TCF4: variants seen among roughly 807,000 people sequenced by gnomAD.
TCF4 encodes transcription factor 4, also known as SL3-3 enhancer factor 2.
A neutral mutation model predicts 82.1 loss-of-function variants in TCF4; 3 were observed. That is an observed-to-expected ratio of 0.04 (90% confidence interval 0.02 to 0.09). TCF4 has a LOEUF of 0.09. TCF4 is among the 10% of genes least tolerant of loss of function. TCF4 has a pLI of 1.00. For synonymous variants in TCF4, 276 were observed against 309.6 expected (o/e 0.89, Z 1.14); for missense variants, 518 against 852.7 (o/e 0.61, Z 4.89).
At chr18:55,373,016 A>T (rs1436454554) in intron 6 of TCF4, among the ~76,000 whole-genome samples, 1 of 152,136 alleles carries the variant, frequency 6.6e-6, no homozygotes, top group Non-Finnish European at 1.5e-5. Context: ...AAAAATATAA[A>T]ACAAAGGAAA....
At chr18:55,267,734 A>G (rs1487146592) in intron 11 of TCF4, 1 of 152,134 alleles carries the variant, frequency 6.6e-6, no homozygotes, top group Non-Finnish European at 1.5e-5. Context: ...TCATTCCGCT[A>G]GTGGATTTTG....
intron 8 of TCF4, among the ~76,000 whole-genome samples, chr18:55,295,606 G>C (rs1346344627): frequency 2.0e-5 from 3 of 152,024 alleles, no homozygotes; most frequent in Non-Finnish European, 4.4e-5. Context: ...TACTTCTCAG[G>C]CATACCCATT....
rs186335601 is a variant in TCF4, at chr18:55,489,371, G to C, written c.146-25234C>G. Among the ~76,000 whole-genome samples the C allele has an allele frequency of 1.3e-3, 194 of 152,214 alleles. 1 individual carries two copies. The highest frequency in any genetic ancestry group is 4.5e-3 in the African/African-American group (185 of 41,512). On this transcript the variant is annotated intron_variant, in intron 3 of 19. Coordinates refer to ENST00000354452, the MANE Select transcript of TCF4 (RefSeq NM_001083962.2). ...GGAAGTGAGCTGTAATCTCTTTCAG[G>C]CTCTTTGGGAGGCACGTTGCCTACA...
chr18:55,246,985 C>T (rs921948616), intron 15 of TCF4, among the ~76,000 whole-genome samples: 1 of 152,202 alleles, frequency 6.6e-6, no homozygotes, highest in South Asian at 2.1e-4. Flanking sequence ...AATGGCCTCT[C>T]AAACTCAGTT....
At chr18:55,341,007 G>C (rs2079829035) in intron 8 of TCF4, among the ~76,000 whole-genome samples, 1 of 152,172 alleles carries the variant, frequency 6.6e-6, no homozygotes, top group Non-Finnish European at 1.5e-5. Context: ...ATACTGATTT[G>C]CTTGGGCAAA....
chr18:55,545,136 A>G lies in TCF4; in HGVS notation c.145+40144T>C, dbSNP rs539335831. On this transcript the variant is annotated intron_variant, in intron 3 of 19. Transcript: ENST00000354452. Reference sequence around the variant, plus strand: ...AGTGAACCTAACCTATGTATGCATCAGTTGCCTCATCTGCAAAACAGGGAT... The same window carrying G: ...AGTGAACCTAACCTATGTATGCATCGGTTGCCTCATCTGCAAAACAGGGAT... Among the ~76,000 whole-genome samples, 9 of 152,366 alleles carry G rather than the reference A, an allele frequency of 5.9e-5. No homozygotes were observed. The South Asian group carries it at 1.9e-3, about 32-fold the overall frequency.
At position 55,350,832 on chromosome 18, in the gene TCF4, G is replaced by T. The variant is rs376405812; in HGVS notation, c.499+42C>A. On this transcript the variant is annotated intron_variant, in intron 7 of 19. Transcript: ENST00000354452. ...AAGAAAGAAAGAAAAAAAGAAAAAG[G>T]CATAATCATCCCTCAGGCATTCAAA... 113 of 1,611,928 alleles carry T rather than the reference G, an allele frequency of 7.0e-5. No individual in the cohort carries two copies. The African/African-American group carries it at 1.4e-3, about 20-fold the overall frequency.
At chr18:55,519,743 T>C (rs537729830) in intron 3 of TCF4, among the ~76,000 whole-genome samples, 5 of 152,306 alleles carry the variant, frequency 3.3e-5, no homozygotes, top group Admixed American at 2.0e-4. Flanking sequence ...AGCATATGTG[T>C]AACTTCATCT....
chr18:55,267,078 T>C (rs1455337146), intron 11 of TCF4: 1 of 152,164 alleles, frequency 6.6e-6, no homozygotes, highest in Non-Finnish European at 1.5e-5. Flanking sequence ...CTTGCAACTT[T>C]TTACCAGGAA....
At chr18:55,483,560 C>G (rs985060481) in intron 3 of TCF4, among the ~76,000 whole-genome samples, 3 of 152,164 alleles carry the variant, frequency 2.0e-5, no homozygotes, top group Admixed American at 6.5e-5. Context: ...TTCATGTATG[C>G]CTTATCCCCT....
intron 12 of TCF4, chr18:55,261,069 C>CTTTTTTTTTTTT (rs78112276): frequency 2.2e-5 from 2 of 91,896 alleles, no homozygotes; most frequent in Admixed American, 1.1e-4. Context: ...CAGTTATTGT[C>CTTTTTTTTTTTT]TTTTTTTTTT....
At chr18:55,586,362 C>A in intron 2 of TCF4, 1 of 593,332 alleles carries the variant, frequency 1.7e-6, no homozygotes, top group Non-Finnish European at 3.0e-6. Flanking sequence ...CCTGACATGT[C>A]TGGGACTTGG....
intron 1 of TCF4, chr18:55,631,409 G>A (rs886198073): frequency 6.5e-7 from 1 of 1,543,920 alleles, no homozygotes; most frequent in Admixed American, 2.0e-5. Context: ...GAGAAAAGAT[G>A]GTGGACATGT....
intron 3 of TCF4, among the ~76,000 whole-genome samples, chr18:55,543,854 T>C (rs982533357): frequency 3.9e-5 from 6 of 152,294 alleles, no homozygotes; most frequent in African/African-American, 1.4e-4. Flanking sequence ...GAAAAACAGA[T>C]ATGTATGTTG....
At chr18:55,466,343 A>T (rs776867923) in intron 3 of TCF4, among the ~76,000 whole-genome samples, 29 of 152,132 alleles carry the variant, frequency 1.9e-4, no homozygotes, top group Non-Finnish European at 2.8e-4. Flanking sequence ...AAAAATTTTT[A>T]AAATTAGCCA....
At chr18:55,618,679 T>C (rs2097714592) in intron 2 of TCF4, among the ~76,000 whole-genome samples, 2 of 152,110 alleles carry the variant, frequency 1.3e-5, no homozygotes, top group Non-Finnish European at 2.9e-5. Flanking sequence ...CCTCCTAGGC[T>C]GAAGTGATCT....
chr18:55,249,943 G>C (rs1443499648), intron 15 of TCF4, among the ~76,000 whole-genome samples: 1 of 152,184 alleles, frequency 6.6e-6, no homozygotes, highest in Non-Finnish European at 1.5e-5. Flanking sequence ...ATGAGTAACA[G>C]AGAGAATTCT....
chr18:55,411,852 T>C (rs1440801172), intron 5 of TCF4, among the ~76,000 whole-genome samples: 1 of 152,194 alleles, frequency 6.6e-6, no homozygotes, highest in Non-Finnish European at 1.5e-5. Context: ...GCAATTCTCC[T>C]GCCTCAGCCT....
intron 17 of TCF4, 95 bp downstream of exon 17, chr18:55,232,414 G>A: frequency 6.9e-7 from 1 of 1,450,654 alleles, no homozygotes; most frequent in Non-Finnish European, 9.6e-7. Context: ...AAATTTACCT[G>A]CCAGGAAAAA....
Sources: gnomAD v4.1 joint callset for allele counts (sites outside exome capture counted in the v4.1 genomes callset) on GRCh38, gnomAD v4.1.1 for gene constraint, MANE v1.5 for transcripts, NCBI Gene and HGNC (gene_info 2026-07-23, HGNC 2026-07-21) for gene names.